ABCA13: variants seen among roughly 807,000 people sequenced by gnomAD.
ABCA13 encodes the protein ATP-binding cassette sub-family A member 13.
A neutral mutation model predicts 478.7 loss-of-function variants in ABCA13; 476 were observed. That is an observed-to-expected ratio of 0.99 (90% confidence interval 0.92 to 1.07). The LOEUF (loss-of-function observed/expected upper bound fraction) is 1.07, where lower values mean the gene tolerates loss of function less well. Among genes scored for constraint, ABCA13 ranks in the 50% least tolerant of loss-of-function variants. The pLI, the probability that ABCA13 is intolerant of heterozygous loss-of-function variation, is 0.00. For missense variants in ABCA13, 6,060 were observed against 5,910.6 expected (o/e 1.03, Z -0.83); for synonymous variants, 2,252 against 2,158.9 (o/e 1.04, Z -1.20).
At chr7:48,365,437 A>G (rs906440573) in intron 31 of ABCA13, among the ~76,000 whole-genome samples, 2 of 151,888 alleles carry the variant, frequency 1.3e-5, no homozygotes, top group Non-Finnish European at 1.5e-5. Context: ...TCATTTGTCT[A>G]TTTTTGCTTT....
Position 48,272,106 on chromosome 7 carries a change from A to G in ABCA13, c.2440A>G (p.Lys814Glu), listed in dbSNP as rs751321961. Residue 814 changes from lysine (K) to glutamate (E), a missense_variant, in exon 17 of 62, where the codon AAG (lysine) becomes GAG (glutamate). Around this residue, in one of 3 missense-constraint regions of ABCA13, gnomAD observed 4,423 missense variants for 4,309.1 expected, o/e 1.03. Coordinates refer to ENST00000435803, the MANE Select transcript of ABCA13 (RefSeq NM_152701.5). The part of the protein sequence containing the change: ...MQTLGSHWIR[K>E]EPKNLLRFIE... The stretch of plus-strand genomic sequence containing the variant: ...GACTCTCGGAAGTCACTGGATAAGG[A>G]AGGAACCAAAAAATCTTTTGAGATT... The G allele has an allele frequency of 6.2e-7, 1 of 1,613,704 alleles. No homozygotes were observed. The highest frequency in any genetic ancestry group is 1.7e-5 in the Admixed American group (1 of 59,990).
At chr7:48,311,119 T>C (rs1801712340) in intron 24 of ABCA13, among the ~76,000 whole-genome samples, 1 of 152,112 alleles carries the variant, frequency 6.6e-6, no homozygotes, top group Non-Finnish European at 1.5e-5. Context: ...GTTTGTACTA[T>C]GGTAAGGTGG....
At chr7:48,438,128 G>A (rs1443123416) in intron 42 of ABCA13, among the ~76,000 whole-genome samples, 1 of 152,014 alleles carries the variant, frequency 6.6e-6, no homozygotes, top group Non-Finnish European at 1.5e-5. Context: ...ACAGACACTA[G>A]TCCTTTGGGC....
At chr7:48,587,533 A>G (rs1356337034) in intron 57 of ABCA13, among the ~76,000 whole-genome samples, 7 of 152,222 alleles carry the variant, frequency 4.6e-5, no homozygotes, top group Admixed American at 2.0e-4. Context: ...AAATTTTAAC[A>G]TTAAAACAGT....
intron 35 of ABCA13, among the ~76,000 whole-genome samples, chr7:48,383,987 A>G (rs1563162141): frequency 6.6e-6 from 1 of 152,236 alleles, no homozygotes; most frequent in East Asian, 1.9e-4. Flanking sequence ...TTTCCCCACT[A>G]TAAGTAATGC....
chr7:48,308,871 G>T (rs1801312460), intron 23 of ABCA13, among the ~76,000 whole-genome samples: 1 of 150,042 alleles, frequency 6.7e-6, no homozygotes, highest in Non-Finnish European at 1.5e-5. Context: ...CGCTGTACAG[G>T]TTTGTAGTCT....
intron 23 of ABCA13, among the ~76,000 whole-genome samples, chr7:48,301,856 T>C (rs948178020): frequency 2.6e-5 from 4 of 152,198 alleles, no homozygotes; most frequent in African/African-American, 7.2e-5. Context: ...GTATTCTCAG[T>C]AAATGTGGTA....
intron 60 of ABCA13, among the ~76,000 whole-genome samples, chr7:48,643,962 A>G (rs1795277470): frequency 6.6e-6 from 1 of 152,216 alleles, no homozygotes; most frequent in South Asian, 2.1e-4. Flanking sequence ...CTGAAGTTTG[A>G]GAAGCACTGT....
chr7:48,350,529 A>T, intron 29 of ABCA13, 114 bp from the exon 30 acceptor site: 1 of 1,276,928 alleles, frequency 7.8e-7, no homozygotes, highest in Non-Finnish European at 1.1e-6. Context: ...GCAATTTTTT[A>T]GTGGAAGAAT....
At chr7:48,292,326 C>G (rs1233589954) in intron 20 of ABCA13, among the ~76,000 whole-genome samples, 2 of 152,074 alleles carry the variant, frequency 1.3e-5, no homozygotes, top group Non-Finnish European at 2.9e-5. Context: ...AAAACTCTCC[C>G]TTCTACCTTC....
intron 59 of ABCA13, among the ~76,000 whole-genome samples, chr7:48,637,955 G>A (rs1459005569): frequency 6.6e-6 from 1 of 152,178 alleles, no homozygotes; most frequent in Non-Finnish European, 1.5e-5. Context: ...TATTCTTGGA[G>A]CTCTACTGTA....
rs529142621 is a variant in ABCA13, at chr7:48,639,298, C to G, written c.14838-3990C>G. ...TTCCTCAGTGCCATCCTCTCCTCCT[C>G]TTCATGCATCCAAAGGAAACCTATT... On this transcript the variant is annotated intron_variant, in intron 59 of 61. Transcript: ENST00000435803. Among the ~76,000 whole-genome samples the G allele has an allele frequency of 3.9e-5, 6 of 152,338 alleles. No homozygotes were observed. The South Asian group carries it at 1.2e-3, about 32-fold the overall frequency.
chr7:48,462,123 C>T (rs1826313329), intron 43 of ABCA13, among the ~76,000 whole-genome samples: 1 of 152,124 alleles, frequency 6.6e-6, no homozygotes, highest in South Asian at 2.1e-4. Context: ...AAAGTTTCTT[C>T]TCTTGTACTC....
chr7:48,604,684 T>C (rs1040093569), intron 58 of ABCA13, among the ~76,000 whole-genome samples: 3 of 152,318 alleles, frequency 2.0e-5, no homozygotes, highest in African/African-American at 7.2e-5. Flanking sequence ...GATGTGGTAC[T>C]GAGAAGAATG....
intron 1 of ABCA13, among the ~76,000 whole-genome samples, chr7:48,174,107 C>T (rs1343003292): frequency 6.6e-6 from 1 of 152,198 alleles, no homozygotes; most frequent in Non-Finnish European, 1.5e-5. Context: ...ACAGCATTCT[C>T]CCATTCTCCA....
intron 58 of ABCA13, 117 bp downstream of exon 58, chr7:48,594,930 C>A (rs1790130812): frequency 3.7e-6 from 3 of 817,544 alleles, no homozygotes; most frequent in African/African-American, 3.4e-5. Flanking sequence ...CTTTACAACA[C>A]AATAATGGTG....
intron 59 of ABCA13, among the ~76,000 whole-genome samples, chr7:48,623,964 C>T (rs534898697): frequency 2.0e-3 from 302 of 152,102 alleles, no homozygotes; most frequent in African/African-American, 6.8e-3. Flanking sequence ...CTGAGCTGAA[C>T]GGACTCTTGG....
chr7:48,204,203 C>G (rs1372451535), intron 3 of ABCA13, among the ~76,000 whole-genome samples: 2 of 151,102 alleles, frequency 1.3e-5, no homozygotes, highest in Non-Finnish European at 2.9e-5. Flanking sequence ...ACCTCCGCCT[C>G]CTAGACTTAT....
intron 27 of ABCA13, among the ~76,000 whole-genome samples, chr7:48,328,262 A>T (rs1205391950): frequency 6.6e-6 from 1 of 152,162 alleles, no homozygotes; most frequent in Non-Finnish European, 1.5e-5. Context: ...AGGCAGGTCA[A>T]GGTCTTTCCC....
Sources: allele counts gnomAD v4.1 joint callset (sites outside exome capture counted in the v4.1 genomes callset), GRCh38; gene constraint gnomAD v4.1.1; regional missense constraint gnomAD v4.1.1; transcripts MANE v1.5; gene names NCBI Gene and HGNC (gene_info 2026-07-23, HGNC 2026-07-21).